The following LRRC38 variants were observed in gnomAD, a reference collection of about 807,000 sequenced individuals.
LRRC38 encodes leucine rich repeat containing 38.
A neutral mutation model predicts 16.4 loss-of-function variants in LRRC38; 5 were observed. The observed-to-expected ratio is 0.31, with a 90% CI of 0.16 to 0.64. The LOEUF (loss-of-function observed/expected upper bound fraction) is 0.64. Ranked by LOEUF, LRRC38 falls within the 30% of genes least tolerant of loss-of-function variation. The pLI is 0.80. For missense variants in LRRC38, 341 were observed against 401.8 expected, an observed-to-expected ratio of 0.85 and a Z score of 1.29; for synonymous variants, 191 against 190.2, an observed-to-expected ratio of 1.00 and a Z score of -0.04.
chr1:13,504,726 G>C (rs1448834622), intron 1 of LRRC38, among the ~76,000 whole-genome samples: 1 of 116,212 alleles, frequency 8.6e-6, no homozygotes, highest in Non-Finnish European at 1.7e-5. Context: ...GTGTTGAAGG[G>C]GGGAGGGGAG....
intron 1 of LRRC38, among the ~76,000 whole-genome samples, chr1:13,492,566 G>A (rs1242948470): frequency 2.0e-5 from 3 of 152,062 alleles, no homozygotes; most frequent in Non-Finnish European, 4.4e-5. Context: ...GCCGGGCCTG[G>A]TGGCGGGTGC....
intron 1 of LRRC38, among the ~76,000 whole-genome samples, chr1:13,476,580 C>T (rs576893285): frequency 2.0e-5 from 3 of 152,274 alleles, no homozygotes; most frequent in South Asian, 2.1e-4. Context: ...CTGCTCACCT[C>T]GGCCTCTGAA....
At chr1:13,476,131 T>G in intron 1 of LRRC38, 32 bp from the exon 2 acceptor site, 1 of 1,545,372 alleles carries the variant, frequency 6.5e-7, no homozygotes, top group Non-Finnish European at 8.8e-7. Flanking sequence ...AGAGAGAGAT[T>G]TAGACTGCAG....
At chr1:13,507,454 G>A (rs944877592) in intron 1 of LRRC38, among the ~76,000 whole-genome samples, 3 of 152,218 alleles carry the variant, frequency 2.0e-5, no homozygotes, top group Admixed American at 6.5e-5. Flanking sequence ...CTCGACCAGT[G>A]AGCAAATAAT....
chr1:13,490,932 GGT>G (rs1300659373), intron 1 of LRRC38, among the ~76,000 whole-genome samples: 1 of 152,100 alleles, frequency 6.6e-6, no homozygotes, highest in African/African-American at 2.4e-5. Context: ...GATACGCAGG[GGT>G]GTGTGTGTCC....
At chr1:13,504,776 G>C (rs1479695110) in intron 1 of LRRC38, among the ~76,000 whole-genome samples, 1 of 132,272 alleles carries the variant, frequency 7.6e-6, no homozygotes. Flanking sequence ...AGGGAGGGAA[G>C]GGGAGAGGGA....
rs1236743424 is a variant in LRRC38 at position 13,481,560 on chromosome 1, T to TG, written c.632-5462_632-5461insC. Among the ~76,000 whole-genome samples, 5 of 151,476 alleles carry TG rather than the reference T, an allele frequency of 3.3e-5. No individual in the cohort carries two copies. The East Asian group carries it at 9.8e-4, about 30-fold the overall frequency. On this transcript the variant is annotated intron_variant, in intron 1 of 1. Transcript: ENST00000376085. ...GCACCCACCACCACGCCCGGCTAATTTTTTTTGTATTTTTTTAGTAGAGAC... is the reference window on the plus strand; with the variant it reads ...GCACCCACCACCACGCCCGGCTAATTGTTTTTTGTATTTTTTTAGTAGAGAC...
At chr1:13,496,667 CACCTATT>C (rs1553136105) in intron 1 of LRRC38, among the ~76,000 whole-genome samples, 1 of 152,106 alleles carries the variant, frequency 6.6e-6, no homozygotes, top group Non-Finnish European at 1.5e-5. Context: ...ACGTATGGAG[CACCTATT>C]ACCTGCGAGC....
chr1:13,476,766 G>A (rs1638793683), intron 1 of LRRC38, among the ~76,000 whole-genome samples: 1 of 152,204 alleles, frequency 6.6e-6, no homozygotes, highest in Non-Finnish European at 1.5e-5. Context: ...GGCAGATGCA[G>A]TGGGATGGGT....
In LRRC38 at chr1:13,513,147, C is replaced by G; in HGVS notation, c.447G>C (p.Glu149Asp). ...CCAGCACCTGCAGCGACTCCAGGGTCTCGAAGGCGTCCTCGTGCACGCCCA... is the reference window on the plus strand; with the variant it reads ...CCAGCACCTGCAGCGACTCCAGGGTGTCGAAGGCGTCCTCGTGCACGCCCA... ...NLVGVHEDAF[E>D]TLESLQVLEL... Residue 149 changes from glutamate to aspartate, a missense_variant, in exon 1 of 2, where the codon GAG becomes GAC. Physicochemically the swap from Glu to Asp is conservative, Grantham distance 45. Transcript: ENST00000376085. The G allele has an allele frequency of 6.4e-7, 1 of 1,550,498 alleles. No individual in the cohort carries two copies. The highest frequency in any genetic ancestry group is 8.7e-7 in the Non-Finnish European group (1 of 1,146,926).
intron 1 of LRRC38, among the ~76,000 whole-genome samples, chr1:13,511,965 C>T (rs1028720535): frequency 6.6e-6 from 1 of 152,222 alleles, no homozygotes; most frequent in South Asian, 2.1e-4. Context: ...AAAAAATATT[C>T]TGAAGCTAAA....
chr1:13,488,032 TTGTGTGTGTGTG>T lies in LRRC38; in HGVS notation c.632-11945_632-11934del, dbSNP rs71570140. Among the ~76,000 whole-genome samples, 9 of 147,206 alleles carry T rather than the reference TTGTGTGTGTGTG, an allele frequency of 6.1e-5. No homozygotes were observed. The East Asian group carries it at 1.0e-3, about 17-fold the overall frequency. ...TATACCTTTTCTAGATTGTGTGTGT[TTGTGTGTGTGTG>T]TGTGTGTGTGTGTGTGTGTACATAA... On this transcript the variant is annotated intron_variant, in intron 1 of 1. Coordinates refer to ENST00000376085, the MANE Select transcript of LRRC38 (RefSeq NM_001010847.2).
chr1:13,481,629 T>C (rs143543945), intron 1 of LRRC38, among the ~76,000 whole-genome samples: 1,528 of 152,126 alleles, frequency 0.01, 35 homozygotes, highest in African/African-American at 0.035. Context: ...CCTCCTGACC[T>C]TGTGATCCGC....
intron 1 of LRRC38, among the ~76,000 whole-genome samples, chr1:13,503,461 G>T (rs1003493792): frequency 6.6e-6 from 1 of 152,078 alleles, no homozygotes; most frequent in Non-Finnish European, 1.5e-5. Flanking sequence ...TAGAGACGGG[G>T]TTTCACCATG....
At chr1:13,510,044 A>G (rs1038049219) in intron 1 of LRRC38, among the ~76,000 whole-genome samples, 2 of 152,124 alleles carry the variant, frequency 1.3e-5, no homozygotes, top group African/African-American at 4.8e-5. Flanking sequence ...ACGCTTTGAG[A>G]AACACCACGG....
intron 1 of LRRC38, among the ~76,000 whole-genome samples, chr1:13,491,716 C>T (rs1639014584): frequency 1.3e-5 from 2 of 152,066 alleles, no homozygotes; most frequent in African/African-American, 4.8e-5. Flanking sequence ...CCCTCTGTCA[C>T]TCAGGCTGGA....
chr1:13,485,445 A>T (rs1401548930), intron 1 of LRRC38, among the ~76,000 whole-genome samples: 1 of 151,708 alleles, frequency 6.6e-6, no homozygotes, highest in African/African-American at 2.4e-5. Context: ...GTGGCGGGCG[A>T]CTGTCCCATC....
Position 13,511,140 on chromosome 1 carries a change from CCA to C in LRRC38, c.631+1821_631+1822del, listed in dbSNP as rs75929763. 2.8e-4 allele frequency among the ~76,000 whole-genome samples: 42 copies of C among 152,292 alleles called. No homozygotes were observed. In the East Asian group the frequency reaches 5.4e-3, roughly 20 times the overall value. ...TTCCTCCCGTCTTTCCTATCTGAGT[CCA>C]GTTTCTTCCCCACATCACAGACAGC... On this transcript the variant is annotated intron_variant, in intron 1 of 1. Transcript: ENST00000376085.
chr1:13,481,603 G>A (rs572689151), intron 1 of LRRC38, among the ~76,000 whole-genome samples: 113 of 151,630 alleles, frequency 7.5e-4, no homozygotes, highest in African/African-American at 1.9e-3. Flanking sequence ...CACCGTGTTA[G>A]CCAGGATTGT....
Sources: gnomAD v4.1 joint callset for allele counts (sites outside exome capture counted in the v4.1 genomes callset) on GRCh38, gnomAD v4.1.1 for gene constraint, MANE v1.5 for transcripts, NCBI Gene and HGNC (gene_info 2026-07-23, HGNC 2026-07-21) for gene names.